C3orf52: variants seen among roughly 807,000 people sequenced by gnomAD.
The protein encoded by C3orf52 is chromosome 3 open reading frame 52, also known as TPA-induced transmembrane protein.
C3orf52 carries 22 observed loss-of-function variants against 24.8 expected under a neutral mutation model. That is an observed-to-expected ratio of 0.89 (90% confidence interval 0.63 to 1.27). The LOEUF is 1.27. Among genes scored for constraint, C3orf52 ranks in the 50% most tolerant of loss-of-function variants. The pLI, the probability that C3orf52 is intolerant of heterozygous loss-of-function variation, is 0.00. For missense variants in C3orf52, 265 were observed against 260.7 expected, an observed-to-expected ratio of 1.02 and a Z score of -0.11; for synonymous variants, 93 against 100.2, an observed-to-expected ratio of 0.93 and a Z score of 0.43.
Position 112,116,769 on chromosome 3 carries a change from G to T in C3orf52, c.*123G>T. The T allele has an allele frequency of 6.5e-7, 1 of 1,546,922 alleles. No homozygotes were observed. The highest frequency in any genetic ancestry group is 8.7e-7 in the Non-Finnish European group (1 of 1,147,108). ...ATACAGAAGCACCAGCAACACCAGA[G>T]GGGTGGAGACTCCTTTCTCTCCCGA... On this transcript the variant is annotated 3_prime_UTR_variant, in exon 6 of 6. Transcript: ENST00000264848.
intron 1 of C3orf52, among the ~76,000 whole-genome samples, chr3:112,089,866 A>G (rs2073862024): frequency 2.0e-5 from 3 of 152,234 alleles, no homozygotes; most frequent in Admixed American, 6.5e-5. Context: ...TTCATAGGAA[A>G]GCCCTGAAAA....
intron 4 of C3orf52, 25 bp downstream of exon 4, chr3:112,109,638 T>C (rs1172203529): frequency 6.8e-7 from 1 of 1,465,418 alleles, no homozygotes. Flanking sequence ...CATTACATTT[T>C]GCTCTCTTTC....
chr3:112,104,791 A>G (rs1576143076), intron 3 of C3orf52, among the ~76,000 whole-genome samples: 1 of 152,036 alleles, frequency 6.6e-6, no homozygotes, highest in Non-Finnish European at 1.5e-5. Context: ...CCTCACCCCC[A>G]CCACCTTTTC....
chr3:112,121,483 C>CA (rs753854815), downstream of C3orf52: 2 of 152,194 alleles, frequency 1.3e-5, no homozygotes, highest in Non-Finnish European at 2.9e-5. Flanking sequence ...GCTGAGCCTC[C>CA]AAGTAGCATG....
chr3:112,123,455 C>T (rs747872713), intron 4 of C3orf52: 3 of 1,613,370 alleles, frequency 1.9e-6, no homozygotes, highest in South Asian at 2.2e-5. Flanking sequence ...AGCCACTTCA[C>T]TATAAATGGG....
intron 4 of C3orf52, among the ~76,000 whole-genome samples, chr3:112,111,036 C>G (rs529350803): frequency 6.6e-6 from 1 of 152,252 alleles, no homozygotes; most frequent in Admixed American, 6.5e-5. Flanking sequence ...TGGTGAAACC[C>G]CATGTCTACT....
At chr3:112,128,953 C>G (rs937116239), downstream of C3orf52, 8 of 152,220 alleles carry the variant, frequency 5.3e-5, no homozygotes, top group African/African-American at 1.7e-4. Flanking sequence ...CGTGAGCTTT[C>G]CCATGAAGTT....
intron 4 of C3orf52, chr3:112,123,685 C>T (rs1576158936): frequency 3.1e-6 from 5 of 1,614,142 alleles, no homozygotes; most frequent in Non-Finnish European, 4.2e-6. Context: ...TACTCTTCAG[C>T]AGAGTTCCCT....
rs375795778 is a variant in C3orf52, at chr3:112,114,430, G to A, written c.649+1285G>A. 6.4e-3 allele frequency among the ~76,000 whole-genome samples: 962 copies of A among 149,540 alleles called. 13 individuals are homozygous for A. The highest frequency in any genetic ancestry group is 0.023 in the African/African-American group (917 of 40,626). On this transcript the variant is annotated intron_variant, in intron 5 of 5. Transcript: ENST00000264848. ...AAAAAAAAAAAAAAAAAAGCCAGGC[G>A]CGGTGGCTCACGCTTGTAATCCCAG...
intron 3 of C3orf52, 72 bp downstream of exon 3, chr3:112,103,037 T>C: frequency 1.4e-6 from 2 of 1,398,008 alleles, no homozygotes; most frequent in Non-Finnish European, 2.0e-6. Flanking sequence ...ATAATTGGCA[T>C]AGAGCTATAG....
At chr3:112,135,136 T>A (rs903458956), downstream of C3orf52, 1 of 154,546 alleles carries the variant, frequency 6.5e-6, no homozygotes, top group African/African-American at 2.4e-5. Flanking sequence ...AGACAAAAGG[T>A]TAAAAAAGAA....
At chr3:112,125,228 G>A in intron 4 of C3orf52, 2 of 1,565,026 alleles carry the variant, frequency 1.3e-6, no homozygotes, top group East Asian at 2.2e-5. Flanking sequence ...CTTATTACCT[G>A]GATGGGAGTA....
chr3:112,092,630 T>C (rs2073889232), intron 1 of C3orf52, among the ~76,000 whole-genome samples: 1 of 152,182 alleles, frequency 6.6e-6, no homozygotes, highest in African/African-American at 2.4e-5. Context: ...GCTGTTAGGG[T>C]TAAGTGAAAT....
Position 112,086,441 on chromosome 3 carries a change from G to C in C3orf52, c.34G>C (p.Glu12Gln), listed in dbSNP as rs764787339. Reference protein sequence around the residue: ...DLAQPSQPVDELELSVLERQP... With the variant: ...DLAQPSQPVDQLELSVLERQP... ...GGCCCAACCCTCACAGCCAGTAGAC[G>C]AGCTGGAGCTCTCGGTGCTCGAGCG... The change falls in exon 1 of 6, where the codon GAG (glutamate) becomes CAG (glutamine). Residue 12 changes from glutamate to glutamine, a missense_variant. Physicochemically the swap from Glu to Gln is conservative, Grantham distance 29. Coordinates refer to ENST00000264848, the MANE Select transcript of C3orf52 (RefSeq NM_024616.3). 8.1e-5 allele frequency: 126 copies of C among 1,551,022 alleles called. No individual in the cohort carries two copies. The highest frequency in any genetic ancestry group is 1.7e-4 in the Middle Eastern group (1 of 6,012).
chr3:112,107,420 CTG>C (rs1354340506), intron 3 of C3orf52, among the ~76,000 whole-genome samples: 1 of 152,202 alleles, frequency 6.6e-6, no homozygotes, highest in Non-Finnish European at 1.5e-5. Context: ...TTCTAAATGA[CTG>C]TCAGCCTATC....
At chr3:112,115,215 G>A (rs897988024) in intron 5 of C3orf52, among the ~76,000 whole-genome samples, 3 of 152,208 alleles carry the variant, frequency 2.0e-5, no homozygotes, top group Non-Finnish European at 4.4e-5. Flanking sequence ...GAGTGTCACT[G>A]CCCTCTCAAA....
At chr3:112,135,132 A>C (rs565820909), downstream of C3orf52, 4 of 154,770 alleles carry the variant, frequency 2.6e-5, no homozygotes, top group South Asian at 8.1e-4. Context: ...CAACAGACAA[A>C]AGGTTAAAAA....
downstream of C3orf52, among the ~76,000 whole-genome samples, chr3:112,120,553 T>C (rs748105634): frequency 1.7e-4 from 26 of 152,324 alleles, 1 homozygote; most frequent in Middle Eastern, 3.4e-3. Context: ...TGGCATAAAT[T>C]GTGCCTCTGA....
chr3:112,087,039 G>T (rs574358941), intron 1 of C3orf52, among the ~76,000 whole-genome samples: 1 of 151,606 alleles, frequency 6.6e-6, no homozygotes, highest in Admixed American at 6.6e-5. Context: ...CCTACCATCC[G>T]CCAAGCACTT....
Sources: allele counts gnomAD v4.1 joint callset (sites outside exome capture counted in the v4.1 genomes callset), GRCh38; gene constraint gnomAD v4.1.1; transcripts MANE v1.5; gene names NCBI Gene and HGNC (gene_info 2026-07-23, HGNC 2026-07-21).